SLC9A7: variants seen among roughly 807,000 people sequenced by gnomAD.
The protein encoded by SLC9A7 is solute carrier family 9 member A7, also known as sodium/hydrogen exchanger 7.
SLC9A7 carries 19 observed loss-of-function variants against 52.6 expected under a neutral mutation model. The ratio of observed to expected loss-of-function variants is 0.36; its 90% CI spans 0.25 to 0.53. SLC9A7 has a LOEUF of 0.53. Among genes scored for constraint, SLC9A7 ranks in the 20% least tolerant of loss-of-function variants. The pLI is 0.91. For synonymous variants in SLC9A7, 226 were observed against 252.1 expected (o/e 0.90, Z 0.98); for missense variants, 455 against 597.9 (o/e 0.76, Z 2.49).
chrX:46,722,621 CAAATGA>C (rs1944878151), intron 1 of SLC9A7, among the ~76,000 whole-genome samples: 1 of 112,118 alleles, frequency 8.9e-6, no homozygotes, highest in South Asian at 3.7e-4. Flanking sequence ...AGAAAGTAAC[CAAATGA>C]GAGATGGATG....
chrX:46,720,136 T>A (rs181059527), intron 1 of SLC9A7, among the ~76,000 whole-genome samples: 66 of 111,860 alleles, frequency 5.9e-4, no homozygotes, highest in African/African-American at 2.1e-3. Flanking sequence ...GTTGTAATGA[T>A]ACTTGTTATG....
At chrX:46,740,123 C>A (rs1219999589) in intron 1 of SLC9A7, among the ~76,000 whole-genome samples, 1 of 111,719 alleles carries the variant, frequency 9.0e-6, no homozygotes, top group Non-Finnish European at 1.9e-5. Context: ...GACACACACA[C>A]GAAGTCCACA....
At position 46,613,292 on chromosome X, in the gene SLC9A7, G is replaced by A. The variant is rs1306732349; in HGVS notation, c.1926C>T (p.Tyr642=). ...LARCLTSPQV[Y]DNQEPLREED... is the part of the protein sequence containing the mutation. ...AACCCTGATGTGCAGTACTTACATC[G>A]TACACCTGGGGACTGGTCAGACATC... The change falls in exon 16 of 17, where the codon TAC becomes TAT. Residue 642 remains tyrosine, a synonymous_variant. Coordinates refer to ENST00000616978, the MANE Select transcript of SLC9A7 (RefSeq NM_001257291.2). 5.0e-6 allele frequency: 6 copies of A among 1,193,176 alleles called. No individual in the cohort carries two copies. The highest frequency in any genetic ancestry group is 6.8e-6 in the Non-Finnish European group (6 of 883,690).
intron 16 of SLC9A7, among the ~76,000 whole-genome samples, chrX:46,608,976 A>C (rs769160416): frequency 1.8e-5 from 2 of 108,836 alleles, no homozygotes; most frequent in Non-Finnish European, 3.8e-5. Context: ...CGAATTTCCA[A>C]CTCCTGGGGA....
intron 1 of SLC9A7, among the ~76,000 whole-genome samples, chrX:46,722,312 C>T (rs1944873717): frequency 1.8e-5 from 2 of 111,929 alleles, no homozygotes; most frequent in South Asian, 7.4e-4. Flanking sequence ...GGTAGAAATG[C>T]CTGTTTATGG....
At chrX:46,668,449 G>A (rs1386113248) in intron 5 of SLC9A7, among the ~76,000 whole-genome samples, 1 of 111,486 alleles carries the variant, frequency 9.0e-6, no homozygotes, top group Admixed American at 9.5e-5. Context: ...AGAGGTTACG[G>A]TGAGCCAAGA....
intron 1 of SLC9A7, among the ~76,000 whole-genome samples, chrX:46,686,327 A>C (rs1165458239): frequency 1.8e-5 from 2 of 111,917 alleles, no homozygotes; most frequent in African/African-American, 6.5e-5. Flanking sequence ...ACCAAGCCAC[A>C]GGGTACACCA....
rs772936085 is a variant in SLC9A7 at position 46,662,818 on chromosome X, T to C, written c.794-175A>G. On this transcript the variant is annotated intron_variant, in intron 5 of 16. Coordinates refer to ENST00000616978, the MANE Select transcript of SLC9A7 (RefSeq NM_001257291.2). ...GCAGAAATGAAAACCGCAATCTTCC[T>C]TATCTGAAGGAGCTTTGATATGATG... Among the ~76,000 whole-genome samples, 9 of 112,071 alleles carry C rather than the reference T, an allele frequency of 8.0e-5. No homozygotes were observed. In the East Asian group the frequency reaches 2.5e-3, roughly 32 times the overall value.
chrX:46,689,061 T>C (rs1053677459), intron 1 of SLC9A7, among the ~76,000 whole-genome samples: 1 of 111,532 alleles, frequency 9.0e-6, no homozygotes, highest in African/African-American at 3.3e-5. Flanking sequence ...AACACACATA[T>C]AGATTCATGT....
At chrX:46,731,902 T>A (rs1945047788) in intron 1 of SLC9A7, among the ~76,000 whole-genome samples, 1 of 111,883 alleles carries the variant, frequency 8.9e-6, no homozygotes, top group African/African-American at 3.2e-5. Flanking sequence ...ATATTCATCA[T>A]TACTTATAAG....
intron 1 of SLC9A7, chrX:46,725,692 C>G: frequency 2.5e-6 from 3 of 1,195,796 alleles, no homozygotes. Flanking sequence ...TTATACTTCA[C>G]TAGCTCAGCA....
intron 8 of SLC9A7, among the ~76,000 whole-genome samples, chrX:46,652,224 C>T (rs1385357980): frequency 4.5e-5 from 5 of 111,681 alleles, no homozygotes; most frequent in Admixed American, 2.9e-4. Flanking sequence ...GATCTCGGCT[C>T]ACTGCAGCCT....
At chrX:46,715,161 C>G (rs1313761238) in intron 1 of SLC9A7, among the ~76,000 whole-genome samples, 1 of 111,822 alleles carries the variant, frequency 8.9e-6, no homozygotes, top group African/African-American at 3.2e-5. Context: ...ACATTGATAT[C>G]TCATTTCTCT....
intron 11 of SLC9A7, among the ~76,000 whole-genome samples, chrX:46,645,225 A>G (rs1487907086): frequency 8.9e-6 from 1 of 112,448 alleles, no homozygotes; most frequent in African/African-American, 3.2e-5. Flanking sequence ...AAGTTGACCT[A>G]GATGACAGGG....
chrX:46,662,552 G>A lies in SLC9A7; in HGVS notation c.885C>T (p.Ala295=). 8.3e-7 allele frequency: 1 copy of A among 1,204,996 alleles called. No individual in the cohort carries two copies. Among genetic ancestry groups the A allele is most frequent in the Non-Finnish European group, 1.1e-6 (1 of 889,416 alleles). ...FGESVLNDAV[A]IVLSSSIVAY... is the part of the protein sequence containing the mutation. ...CTGCTACTTACGAGGACAGTACAAT[G>A]GCAACAGCATCATTTAGGACGCTCT... The change falls in exon 6 of 17, where the codon GCC becomes GCT. Residue 295 remains alanine (A), a synonymous_variant. Coordinates refer to ENST00000616978, the MANE Select transcript of SLC9A7 (RefSeq NM_001257291.2).
intron 1 of SLC9A7, among the ~76,000 whole-genome samples, chrX:46,691,453 A>G (rs1302817668): frequency 2.7e-5 from 3 of 112,165 alleles, no homozygotes; most frequent in Non-Finnish European, 5.6e-5. Flanking sequence ...CAGTGACAGA[A>G]GACCTGGGTA....
chrX:46,697,008 G>A (rs1024288615), intron 1 of SLC9A7, among the ~76,000 whole-genome samples: 4 of 111,760 alleles, frequency 3.6e-5, no homozygotes, highest in South Asian at 3.7e-4. Context: ...ACCGTCTTTC[G>A]CCTGGACTTC....
At chrX:46,615,232 AG>A (rs1035230154) in intron 15 of SLC9A7, among the ~76,000 whole-genome samples, 6 of 111,921 alleles carry the variant, frequency 5.4e-5, no homozygotes, top group African/African-American at 2.0e-4. Context: ...TAGTAGAGAC[AG>A]GGTTTCACCA....
chrX:46,681,229 T>C (rs1944205927), intron 2 of SLC9A7, among the ~76,000 whole-genome samples: 1 of 112,595 alleles, frequency 8.9e-6, no homozygotes, highest in Non-Finnish European at 1.9e-5. Context: ...TCTTCTATTA[T>C]GACCTGAAAG....
Sources: gnomAD v4.1 joint callset for allele counts (sites outside exome capture counted in the v4.1 genomes callset) on GRCh38, gnomAD v4.1.1 for gene constraint, MANE v1.5 for transcripts, NCBI Gene and HGNC (gene_info 2026-07-23, HGNC 2026-07-21) for gene names.